PHC2: variants seen among roughly 807,000 people sequenced by gnomAD.
The protein encoded by PHC2 is polyhomeotic-like protein 2.
A neutral mutation model predicts 87.4 loss-of-function variants in PHC2; 29 were observed. The ratio of observed to expected loss-of-function variants is 0.33; its 90% CI spans 0.25 to 0.45. PHC2 has a LOEUF of 0.45. Among genes scored for constraint, PHC2 ranks in the 20% least tolerant of loss-of-function variants. PHC2 has a pLI of 1.00. For missense variants in PHC2, 857 were observed against 1,136.7 expected (o/e 0.75, Z 3.54); for synonymous variants, 438 against 461.7 (o/e 0.95, Z 0.66).
chr1:33,364,412 A>ACGCG lies in PHC2; in HGVS notation c.976+2703_976+2704insCGCG, dbSNP rs1553186442. The stretch of plus-strand genomic sequence containing the variant: ...CTTTCACACACACACACACACACAC[A>ACGCG]CACACACACACACGCTCAAGCACGC... On this transcript the variant is annotated intron_variant, in intron 7 of 14. Coordinates refer to ENST00000683057, the MANE Select transcript of PHC2 (RefSeq NM_001385109.1). The surrounding 1 kb of genome is among the most constrained non-coding windows in gnomAD (Gnocchi z 4.1). Among the ~76,000 whole-genome samples the ACGCG allele has an allele frequency of 1.4e-5, 2 of 139,452 alleles. No homozygotes were observed. The highest frequency in any genetic ancestry group is 3.2e-5 in the Non-Finnish European group (2 of 61,912). The allele number at this position is 139,452 out of a possible 152,430, so 91.5% of individuals were successfully genotyped here.
intron 9 of PHC2, chr1:33,350,478 C>G (rs1344405290): frequency 2.6e-5 from 4 of 152,294 alleles, no homozygotes. Context: ...CCAAGCGCAC[C>G]GGGTGAACCT....
intron 1 of PHC2, among the ~76,000 whole-genome samples, chr1:33,385,136 T>G (rs1648675313): frequency 6.6e-6 from 1 of 152,120 alleles, no homozygotes; most frequent in South Asian, 2.1e-4. Context: ...GTGATGGGTG[T>G]GGGACTGTGG....
In PHC2 at chr1:33,369,605, G is replaced by T. The variant is rs1451243378; in HGVS notation, c.576+816C>A. Among the ~76,000 whole-genome samples the T allele has an allele frequency of 6.6e-6, 1 of 152,158 alleles. No individual in the cohort carries two copies. Among genetic ancestry groups the T allele is most frequent in the Non-Finnish European group, 1.5e-5 (1 of 68,018 alleles). ...CTCAGAGCCAAGAACAAATGTGCGG[G>T]AGCAAGACCAGACAAGCTCCGAGGG... On this transcript the variant is annotated intron_variant, in intron 5 of 14. Transcript: ENST00000683057. The surrounding 1 kb of genome is among the most constrained non-coding windows in gnomAD (Gnocchi z 4.7).
Position 33,390,862 on chromosome 1 carries a change from GC to G in PHC2, c.-54-15270del, listed in dbSNP as rs112018738. On this transcript the variant is annotated intron_variant, in intron 1 of 14. Coordinates refer to ENST00000683057, the MANE Select transcript of PHC2 (RefSeq NM_001385109.1). ...ATAAACAAGTTGTGACCTGGATTTG[GC>G]CCTTGGTTTATGCACCCCTGAAATG... is the stretch of plus-strand genomic sequence containing the variant. Among the ~76,000 whole-genome samples, 820 of 152,184 alleles carry G rather than the reference GC, an allele frequency of 5.4e-3. 13 individuals carry two copies. The highest frequency in any genetic ancestry group is 0.019 in the African/African-American group (787 of 41,516).
In PHC2 at chr1:33,363,933, C is replaced by G. The variant is rs756816257; in HGVS notation, c.976+3183G>C. On this transcript the variant is annotated intron_variant, in intron 7 of 14. Coordinates refer to ENST00000683057, the MANE Select transcript of PHC2 (RefSeq NM_001385109.1). Reference sequence around the variant, plus strand: ...CCTCATGTCAGTGAGAAGGGCAAGCCAGGCCCTTCTCCTTCCCCTCCAAAG... The same window carrying G: ...CCTCATGTCAGTGAGAAGGGCAAGCGAGGCCCTTCTCCTTCCCCTCCAAAG... 4.1e-6 allele frequency: 4 copies of G among 984,868 alleles called. No individual in the cohort carries two copies. The South Asian group carries it at 1.9e-4, about 46-fold the overall frequency. The allele number at this position is 984,868 out of a possible 1,614,324, so 61.0% of individuals were successfully genotyped here. A position where few individuals can be genotyped will look rare whatever the true frequency, so the allele number is the denominator to read the frequency against.
intron 7 of PHC2, among the ~76,000 whole-genome samples, chr1:33,359,728 G>A (rs779415365): frequency 2.0e-5 from 3 of 152,212 alleles, no homozygotes; most frequent in Non-Finnish European, 4.4e-5. Context: ...TGGAAGGAGA[G>A]CAGAGAAGGT....
intron 2 of PHC2, among the ~76,000 whole-genome samples, chr1:33,372,725 T>G (rs1050996072): frequency 5.3e-5 from 8 of 152,174 alleles, no homozygotes; most frequent in African/African-American, 1.7e-4. Context: ...GTGAGGAGAA[T>G]CAGAGCCGCA....
At chr1:33,427,265 C>A (rs757500374) in intron 1 of PHC2, among the ~76,000 whole-genome samples, 1 of 152,144 alleles carries the variant, frequency 6.6e-6, no homozygotes, top group Non-Finnish European at 1.5e-5. Flanking sequence ...ACTCAATAAA[C>A]GACAGCTACA....
At chr1:33,356,283 A>ATATATATATATACG in intron 7 of PHC2, among the ~76,000 whole-genome samples, 1 of 141,684 alleles carries the variant, frequency 7.1e-6, no homozygotes, top group Non-Finnish European at 1.5e-5. Context: ...ATATGTATAT[A>ATATATATATATACG]TATATATATA....
intron 7 of PHC2, among the ~76,000 whole-genome samples, chr1:33,357,223 G>C (rs575344425): frequency 1.4e-4 from 21 of 152,302 alleles, no homozygotes; most frequent in Admixed American, 1.3e-4. Flanking sequence ...ATGCCAGTAA[G>C]GATAAAGGTG....
At chr1:33,383,772 C>T (rs1016897060) in intron 1 of PHC2, among the ~76,000 whole-genome samples, 5 of 152,112 alleles carry the variant, frequency 3.3e-5, no homozygotes, top group Non-Finnish European at 5.9e-5. Flanking sequence ...TATAAAAGAA[C>T]GCCATGTGAA....
chr1:33,356,306 GTATT>G (rs2148289517), intron 7 of PHC2, among the ~76,000 whole-genome samples: 1 of 92,054 alleles, frequency 1.1e-5, no homozygotes, highest in East Asian at 3.5e-4. Context: ...TATTTATTTA[GTATT>G]TATTGATCAT....
intron 1 of PHC2, among the ~76,000 whole-genome samples, chr1:33,401,679 A>G (rs965498529): frequency 2.0e-5 from 3 of 152,192 alleles, no homozygotes; most frequent in African/African-American, 7.2e-5. Context: ...CACTTAATGG[A>G]ACCAAACAGA....
chr1:33,370,618 G>A (rs1647767434), intron 4 of PHC2, 33 bp from the exon 5 acceptor site: 1 of 1,588,260 alleles, frequency 6.3e-7, no homozygotes, highest in Non-Finnish European at 8.6e-7. Flanking sequence ...TAGGAGATAG[G>A]AGGTTCTGTT....
chr1:33,327,833 G>A (rs1169294910), intron 14 of PHC2, among the ~76,000 whole-genome samples: 1 of 152,240 alleles, frequency 6.6e-6, no homozygotes, highest in African/African-American at 2.4e-5. Flanking sequence ...CAGCTCTTCA[G>A]TATTCACGTG....
At chr1:33,384,323 G>A (rs191689475) in intron 1 of PHC2, among the ~76,000 whole-genome samples, 7 of 152,316 alleles carry the variant, frequency 4.6e-5, no homozygotes, top group Admixed American at 2.0e-4. Context: ...ACTGCTCTAA[G>A]GGGCCCCACT....
At chr1:33,340,628 A>T (rs1191803903) in intron 9 of PHC2, among the ~76,000 whole-genome samples, 1 of 152,208 alleles carries the variant, frequency 6.6e-6, no homozygotes, top group East Asian at 1.9e-4. Context: ...AATTAATGCC[A>T]CTGAAAGTGA....
chr1:33,427,445 C>G (rs1297956464), intron 1 of PHC2, among the ~76,000 whole-genome samples: 1 of 152,196 alleles, frequency 6.6e-6, no homozygotes, highest in Admixed American at 6.5e-5. Context: ...GCTGCCTTCA[C>G]TAATCACTTT....
chr1:33,354,400 C>T lies in PHC2; in HGVS notation c.1558+1G>A. On this transcript the variant is annotated splice_donor_variant, in intron 9 of 14. Coordinates refer to ENST00000683057, the MANE Select transcript of PHC2 (RefSeq NM_001385109.1). LOFTEE classifies it high-confidence loss of function. The stretch of plus-strand genomic sequence containing the variant: ...CCCCAGGGCCCCACTGTGCTTCATA[C>T]CGTGAGCTGGGGACGGCTGGATGTT... 2.5e-6 allele frequency: 4 copies of T among 1,611,596 alleles called. No individual in the cohort carries two copies. The highest frequency in any genetic ancestry group is 2.5e-6 in the Non-Finnish European group (3 of 1,178,916).
Sources: allele counts gnomAD v4.1 joint callset (sites outside exome capture counted in the v4.1 genomes callset), GRCh38; gene constraint gnomAD v4.1.1; non-coding constraint Gnocchi (gnomAD v3.1); transcripts MANE v1.5; gene names NCBI Gene and HGNC (gene_info 2026-07-23, HGNC 2026-07-21).